RIMBP2: variants seen among roughly 807,000 people sequenced by gnomAD.
RIMBP2 encodes the protein RIMS binding protein 2, also known as RIMS-binding protein 2.
A neutral mutation model predicts 118.6 loss-of-function variants in RIMBP2; 48 were observed. The observed-to-expected ratio is 0.40, with a 90% CI of 0.32 to 0.51. RIMBP2 has a LOEUF of 0.51. RIMBP2 is among the 20% of genes least tolerant of loss of function. The pLI is 0.41. For synonymous variants in RIMBP2, 762 were observed against 742.9 expected (o/e 1.03, Z -0.42); for missense variants, 1,551 against 1,768.3 (o/e 0.88, Z 2.20).
intron 8 of RIMBP2, 65 bp downstream of exon 8, chr12:130,451,130 C>A: frequency 6.4e-7 from 1 of 1,550,574 alleles, no homozygotes; most frequent in South Asian, 1.2e-5. Flanking sequence ...GACAAACTGG[C>A]CAACGTCCAC....
intron 11 of RIMBP2, among the ~76,000 whole-genome samples, chr12:130,439,230 A>C (rs2077811652): frequency 6.6e-6 from 1 of 151,784 alleles, no homozygotes; most frequent in Non-Finnish European, 1.5e-5. Flanking sequence ...GTTTGTGTGT[A>C]GATGTATATG....
intron 1 of RIMBP2, among the ~76,000 whole-genome samples, chr12:130,695,912 C>A (rs2065545844): frequency 6.6e-6 from 1 of 151,842 alleles, no homozygotes; most frequent in South Asian, 2.1e-4. Flanking sequence ...CTTTATACTG[C>A]AGCAACTAGA....
intron 6 of RIMBP2, among the ~76,000 whole-genome samples, chr12:130,463,284 C>T (rs867153057): frequency 2.2e-4 from 34 of 152,228 alleles, no homozygotes; most frequent in African/African-American, 7.0e-4. Flanking sequence ...CACACCCAGC[C>T]CCATGGTGCT....
At chr12:130,486,368 G>A (rs1489406264) in intron 4 of RIMBP2, among the ~76,000 whole-genome samples, 2 of 152,060 alleles carry the variant, frequency 1.3e-5, no homozygotes, top group Non-Finnish European at 2.9e-5. Flanking sequence ...ATCCTGGAGG[G>A]GCCACGGCTC....
At chr12:130,491,102 C>T (rs959069327) in intron 4 of RIMBP2, among the ~76,000 whole-genome samples, 2 of 152,206 alleles carry the variant, frequency 1.3e-5, no homozygotes, top group African/African-American at 4.8e-5. Context: ...CAGCTCCAGA[C>T]ATCAGCCTCC....
At chr12:130,712,582 C>T (rs75860123) in intron 1 of RIMBP2, among the ~76,000 whole-genome samples, 282 of 152,294 alleles carry the variant, frequency 1.9e-3, no homozygotes, top group Non-Finnish European at 3.1e-3. Context: ...TGCCTGCTGT[C>T]GGATCCCTCC....
rs1555320872 is a variant in RIMBP2, at chr12:130,664,413, A to ACACGCACG, written c.-351-35958_-351-35957insCGTGCGTG. 4.1e-3 allele frequency among the ~76,000 whole-genome samples: 495 copies of ACACGCACG among 121,218 alleles called. 14 individuals are homozygous for ACACGCACG. The highest frequency in any genetic ancestry group is 6.7e-3 in the Admixed American group (78 of 11,588). The allele number at this position is 121,218 out of a possible 152,430, so 79.5% of individuals were successfully genotyped here. ...TGCACACACACGCACGCACGCACGC[A>ACACGCACG]CACACACGCACACACATGCATGCAC... On this transcript the variant is annotated intron_variant, in intron 1 of 22. Transcript: ENST00000690449.
At chr12:130,571,474 C>T (rs1479682960) in intron 2 of RIMBP2, among the ~76,000 whole-genome samples, 1 of 145,836 alleles carries the variant, frequency 6.9e-6, no homozygotes, top group Admixed American at 7.0e-5. Flanking sequence ...GGCTGGAGTG[C>T]AATGGCACAA....
chr12:130,453,505 A>G (rs2079165368), intron 7 of RIMBP2, among the ~76,000 whole-genome samples: 2 of 152,236 alleles, frequency 1.3e-5, no homozygotes, highest in South Asian at 4.1e-4. Flanking sequence ...CGGCCTCAGG[A>G]AAGGAGGACA....
At chr12:130,661,321 G>C (rs991051368) in intron 1 of RIMBP2, among the ~76,000 whole-genome samples, 1 of 152,180 alleles carries the variant, frequency 6.6e-6, no homozygotes, top group Admixed American at 6.5e-5. Flanking sequence ...GATTGGCTCA[G>C]GGCTAGACAG....
intron 2 of RIMBP2, among the ~76,000 whole-genome samples, chr12:130,592,597 G>A (rs1386214885): frequency 6.6e-6 from 1 of 151,764 alleles, no homozygotes; most frequent in Non-Finnish European, 1.5e-5. Context: ...GCTGAGGCAG[G>A]AGAACCACTT....
At chr12:130,568,935 T>TCC (rs1194546159) in intron 2 of RIMBP2, among the ~76,000 whole-genome samples, 2 of 151,980 alleles carry the variant, frequency 1.3e-5, no homozygotes, top group African/African-American at 4.8e-5. Flanking sequence ...CCACGTGCCC[T>TCC]CCTCACACAG....
At chr12:130,445,056 G>A (rs1013961387) in intron 10 of RIMBP2, 104 bp downstream of exon 10, 6 of 701,544 alleles carry the variant, frequency 8.6e-6, no homozygotes, top group Non-Finnish European at 1.4e-5. Flanking sequence ...GGGTGGCCAG[G>A]AGTATGTTGG....
chr12:130,615,297 G>C (rs7954968), intron 2 of RIMBP2, among the ~76,000 whole-genome samples: 1 of 118,114 alleles, frequency 8.5e-6, no homozygotes, highest in Non-Finnish European at 1.7e-5. Flanking sequence ...ATATATATAT[G>C]TGTACACACA....
intron 14 of RIMBP2, among the ~76,000 whole-genome samples, chr12:130,433,025 T>A (rs1175284952): frequency 6.6e-6 from 1 of 152,124 alleles, no homozygotes; most frequent in Non-Finnish European, 1.5e-5. Flanking sequence ...GCTCTGTAAA[T>A]TCCTACGCTG....
At chr12:130,456,271 G>A (rs190067551) in intron 7 of RIMBP2, among the ~76,000 whole-genome samples, 1 of 152,274 alleles carries the variant, frequency 6.6e-6, no homozygotes, top group Non-Finnish European at 1.5e-5. Flanking sequence ...TTTTACAGGT[G>A]AGAAAATGTG....
At chr12:130,694,834 C>T (rs903514999) in intron 1 of RIMBP2, among the ~76,000 whole-genome samples, 6 of 152,192 alleles carry the variant, frequency 3.9e-5, no homozygotes, top group African/African-American at 9.7e-5. Context: ...ATTGGACACG[C>T]GGACAGCCAT....
intron 1 of RIMBP2, among the ~76,000 whole-genome samples, chr12:130,674,183 T>C (rs2064333847): frequency 6.6e-6 from 1 of 151,970 alleles, no homozygotes; most frequent in South Asian, 2.1e-4. Flanking sequence ...TTTCTCTAAG[T>C]GTTTGGCGCC....
At chr12:130,598,516 C>T (rs2059683985) in intron 2 of RIMBP2, among the ~76,000 whole-genome samples, 1 of 152,146 alleles carries the variant, frequency 6.6e-6, no homozygotes, top group African/African-American at 2.4e-5. Flanking sequence ...ATCACAAGGT[C>T]AGGAGATCGA....
Sources: gnomAD v4.1 joint callset for allele counts (sites outside exome capture counted in the v4.1 genomes callset) on GRCh38, gnomAD v4.1.1 for gene constraint, MANE v1.5 for transcripts, NCBI Gene and HGNC (gene_info 2026-07-23, HGNC 2026-07-21) for gene names.